Variants in SHISA6 observed in about 807,000 individuals in gnomAD.
SHISA6 encodes the protein shisa family member 6.
Under a neutral mutation model 47.9 loss-of-function variants are expected in SHISA6, and 22 were observed. That is an observed-to-expected ratio of 0.46 (90% CI 0.33 to 0.66). The LOEUF (loss-of-function observed/expected upper bound fraction) is 0.66, where lower values mean the gene tolerates loss of function less well. Ranked by LOEUF, SHISA6 falls within the 30% of genes least tolerant of loss-of-function variation. The pLI is 0.02. For synonymous variants in SHISA6, 388 were observed against 337.8 expected (o/e 1.15, Z -1.63); for missense variants, 680 against 764.6 (o/e 0.89, Z 1.30).
chr17:11,397,888 AG>A lies in SHISA6; in HGVS notation c.895+18380del, dbSNP rs1265013020. Among the ~76,000 whole-genome samples, 3 of 152,116 alleles carry A rather than the reference AG, an allele frequency of 2.0e-5. No individual in the cohort carries two copies. In the East Asian group the frequency reaches 5.8e-4, roughly 29 times the overall value. On this transcript the variant is annotated intron_variant, in intron 3 of 5. Transcript: ENST00000441885. The stretch of plus-strand genomic sequence containing the variant: ...TAGTGTCATATCCAAGGGAGATTAG[AG>A]CCCCCCCTTAGGCATCTTGTACATT...
chr17:11,244,902 G>T (rs986816074), intron 1 of SHISA6, among the ~76,000 whole-genome samples: 32 of 152,292 alleles, frequency 2.1e-4, no homozygotes, highest in African/African-American at 7.5e-4. Context: ...ATTGGAGAGG[G>T]ACATTTATGG....
At chr17:11,353,466 A>G (rs1911968548) in intron 2 of SHISA6, among the ~76,000 whole-genome samples, 1 of 151,992 alleles carries the variant, frequency 6.6e-6, no homozygotes, top group East Asian at 1.9e-4. Context: ...AAAAAAAAAA[A>G]AAAAGGGTGA....
intron 3 of SHISA6, among the ~76,000 whole-genome samples, chr17:11,481,659 AT>A (rs1916227676): frequency 6.6e-6 from 1 of 151,640 alleles, no homozygotes; most frequent in East Asian, 2.0e-4. Context: ...CGCCTGGCTA[AT>A]TTTTGTATTT....
chr17:11,332,942 C>G (rs995591329), intron 2 of SHISA6, among the ~76,000 whole-genome samples: 2 of 152,092 alleles, frequency 1.3e-5, no homozygotes, highest in Non-Finnish European at 2.9e-5. Context: ...ACTGCCAGTG[C>G]GGCATCTAGA....
chr17:11,468,929 G>A (rs753332530), intron 3 of SHISA6, among the ~76,000 whole-genome samples: 4 of 144,980 alleles, frequency 2.8e-5, no homozygotes, highest in Non-Finnish European at 4.5e-5. Flanking sequence ...GATGAGGCAG[G>A]AGAATGAACC....
intron 3 of SHISA6, among the ~76,000 whole-genome samples, chr17:11,383,607 T>C (rs73282845): frequency 0.096 from 14,652 of 152,122 alleles, 1,537 homozygotes; most frequent in African/African-American, 0.25. Flanking sequence ...ACCTTAGGCT[T>C]CCCAGGCACT....
At chr17:11,438,122 C>T (rs1914991246) in intron 3 of SHISA6, among the ~76,000 whole-genome samples, 2 of 152,178 alleles carry the variant, frequency 1.3e-5, no homozygotes, top group African/African-American at 4.8e-5. Context: ...TGCTATATTA[C>T]TCATTGCCTT....
At chr17:11,395,910 G>A (rs1913556007) in intron 3 of SHISA6, among the ~76,000 whole-genome samples, 2 of 152,174 alleles carry the variant, frequency 1.3e-5, no homozygotes, top group Admixed American at 6.6e-5. Flanking sequence ...AAGATAAAGG[G>A]CATCTTTGCT....
At chr17:11,388,917 G>A (rs543892592) in intron 3 of SHISA6, among the ~76,000 whole-genome samples, 1 of 147,024 alleles carries the variant, frequency 6.8e-6, no homozygotes, top group East Asian at 2.0e-4. Flanking sequence ...CAGCCATTTT[G>A]CCTAAGGGCA....
chr17:11,331,572 G>A (rs1450574742), intron 2 of SHISA6, among the ~76,000 whole-genome samples: 2 of 152,024 alleles, frequency 1.3e-5, no homozygotes, highest in South Asian at 2.1e-4. Context: ...TAAAATAGAC[G>A]AGATGGCATG....
chr17:11,330,465 C>T (rs1049771584), intron 2 of SHISA6, among the ~76,000 whole-genome samples: 3 of 144,564 alleles, frequency 2.1e-5, no homozygotes, highest in African/African-American at 7.8e-5. Flanking sequence ...AGACTATTTT[C>T]TAAAATTCTG....
In SHISA6 at chr17:11,455,069, T is replaced by C. The variant is rs554595144; in HGVS notation, c.895+75560T>C. On this transcript the variant is annotated intron_variant, in intron 3 of 5. Transcript: ENST00000441885. ...CTGTAGTCCAAGCCACTCCAGAGGC[T>C]GAGGCAGGAGAATGGTGTGAACCCA... Among the ~76,000 whole-genome samples, 32 of 152,152 alleles carry C rather than the reference T, an allele frequency of 2.1e-4. No individual in the cohort carries two copies. The South Asian group carries it at 6.2e-3, about 30-fold the overall frequency.
At chr17:11,357,753 A>AT (rs1766945213) in intron 2 of SHISA6, among the ~76,000 whole-genome samples, 1 of 152,228 alleles carries the variant, frequency 6.6e-6, no homozygotes, top group Non-Finnish European at 1.5e-5. Context: ...ATACTGGATG[A>AT]TAATCGCTGC....
At chr17:11,302,062 T>C (rs2142178244) in intron 2 of SHISA6, among the ~76,000 whole-genome samples, 1 of 152,260 alleles carries the variant, frequency 6.6e-6, no homozygotes, top group Middle Eastern at 3.4e-3. Context: ...TATTCACTAT[T>C]ATGAGAATAG....
chr17:11,257,818 AG>A (rs1908075382), intron 1 of SHISA6, among the ~76,000 whole-genome samples: 1 of 152,186 alleles, frequency 6.6e-6, no homozygotes, highest in Non-Finnish European at 1.5e-5. Flanking sequence ...GAAATACAAA[AG>A]AATTAGCTAT....
intron 2 of SHISA6, among the ~76,000 whole-genome samples, chr17:11,318,738 A>G (rs936626314): frequency 6.6e-6 from 1 of 152,204 alleles, no homozygotes; most frequent in African/African-American, 2.4e-5. Context: ...CGTTCTTCAC[A>G]TTTGATAAAC....
chr17:11,469,991 A>G (rs148696977), intron 3 of SHISA6, among the ~76,000 whole-genome samples: 3 of 152,306 alleles, frequency 2.0e-5, no homozygotes, highest in Non-Finnish European at 2.9e-5. Flanking sequence ...AAAGAGAAGA[A>G]GAGACACCAG....
At chr17:11,245,581 A>T (rs1008414557) in intron 1 of SHISA6, among the ~76,000 whole-genome samples, 2 of 151,992 alleles carry the variant, frequency 1.3e-5, no homozygotes, top group Non-Finnish European at 1.5e-5. Flanking sequence ...TGTCTTGGAG[A>T]TGAGAATCAT....
chr17:11,550,004 G>A (rs1293605695), intron 3 of SHISA6, among the ~76,000 whole-genome samples: 1 of 152,002 alleles, frequency 6.6e-6, no homozygotes, highest in Non-Finnish European at 1.5e-5. Context: ...ATCTTCATGT[G>A]AGAAATTGTG....
Sources: allele counts gnomAD v4.1 joint callset (sites outside exome capture counted in the v4.1 genomes callset), GRCh38; gene constraint gnomAD v4.1.1; transcripts MANE v1.5; gene names NCBI Gene and HGNC (gene_info 2026-07-23, HGNC 2026-07-21).